The following ASCC2 variants were observed in gnomAD, a reference collection of about 807,000 sequenced individuals.
ASCC2 encodes ASC-1 complex subunit P100.
A neutral mutation model predicts 93.5 loss-of-function variants in ASCC2; 42 were observed. The observed-to-expected ratio is 0.45, with a 90% confidence interval of 0.35 to 0.58. The LOEUF (loss-of-function observed/expected upper bound fraction) is 0.58, where lower values mean the gene tolerates loss of function less well. Among genes scored for constraint, ASCC2 ranks in the 20% least tolerant of loss-of-function variants. The pLI is 0.00. For missense variants in ASCC2, 859 were observed against 977.6 expected, an observed-to-expected ratio of 0.88 and a Z score of 1.62; for synonymous variants, 364 against 384.2, an observed-to-expected ratio of 0.95 and a Z score of 0.62.
intron 8 of ASCC2, 67 bp downstream of exon 8, chr22:29,813,363 G>C: frequency 8.7e-7 from 1 of 1,147,258 alleles, no homozygotes; most frequent in Non-Finnish European, 1.3e-6. Flanking sequence ...TGTTAAATGA[G>C]TAAATATTTG....
Position 29,825,570 on chromosome 22 carries a change from C to T in ASCC2, c.240+52G>A. The stretch of plus-strand genomic sequence containing the variant: ...GAAGAAAAACAACAACAGCAACCAA[C>T]CAATGGCATGTCATGTGCTTTGTCT... On this transcript the variant is annotated intron_variant, in intron 3 of 19. Transcript: ENST00000307790. This position sits in a 1 kb window ranked among gnomAD's most constrained non-coding sequence, Gnocchi z 4.9. 1.2e-6 allele frequency: 2 copies of T among 1,612,672 alleles called. No individual in the cohort carries two copies. The highest frequency in any genetic ancestry group is 1.7e-6 in the Non-Finnish European group (2 of 1,178,780).
At chr22:29,796,506 G>A (rs537037002) in intron 15 of ASCC2, among the ~76,000 whole-genome samples, 2 of 152,236 alleles carry the variant, frequency 1.3e-5, no homozygotes, top group African/African-American at 2.4e-5. Context: ...TGTAGGAAGG[G>A]GTAATGGAGG....
intron 15 of ASCC2, among the ~76,000 whole-genome samples, chr22:29,797,503 TG>T (rs2058580032): frequency 1.3e-5 from 2 of 152,210 alleles, no homozygotes; most frequent in Non-Finnish European, 2.9e-5. Flanking sequence ...ACAGGTCTCC[TG>T]ATTCAGGTCT....
At chr22:29,797,375 A>T (rs1364640896) in intron 15 of ASCC2, among the ~76,000 whole-genome samples, 1 of 152,166 alleles carries the variant, frequency 6.6e-6, no homozygotes, top group East Asian at 1.9e-4. Context: ...TTGAACTTCT[A>T]AAGAGCCTGT....
intron 13 of ASCC2, among the ~76,000 whole-genome samples, chr22:29,803,077 T>G (rs1389800885): frequency 6.6e-6 from 1 of 151,934 alleles, no homozygotes; most frequent in East Asian, 1.9e-4. Context: ...TGAAACCCCA[T>G]CTCTGCTAAA....
chr22:29,832,749 C>CTT (rs956397200), intron 1 of ASCC2, among the ~76,000 whole-genome samples: 17 of 144,162 alleles, frequency 1.2e-4, no homozygotes, highest in Non-Finnish European at 4.6e-5. Context: ...CCATGCCCAG[C>CTT]TTTTTTTTTT....
intron 1 of ASCC2, among the ~76,000 whole-genome samples, chr22:29,837,206 G>A (rs1304212928): frequency 5.9e-5 from 9 of 151,904 alleles, no homozygotes; most frequent in African/African-American, 1.9e-4. Context: ...CAAGGCGGGC[G>A]GATCACGAGG....
chr22:29,831,284 A>C (rs1357877071), intron 2 of ASCC2, among the ~76,000 whole-genome samples: 4 of 152,240 alleles, frequency 2.6e-5, no homozygotes, highest in Non-Finnish European at 2.9e-5. Context: ...TATGTGTCCT[A>C]GGGTCTGCCT....
intron 19 of ASCC2, 139 bp downstream of exon 19, chr22:29,790,330 A>T: frequency 1.3e-6 from 1 of 786,534 alleles, no homozygotes; most frequent in Middle Eastern, 3.1e-4. Context: ...TGATAATGGT[A>T]GCTACTTCAC....
chr22:29,790,683 C>T (rs551180050), intron 18 of ASCC2, 135 bp from the exon 19 acceptor site: 17 of 880,446 alleles, frequency 1.9e-5, no homozygotes, highest in Admixed American at 4.2e-5. Flanking sequence ...CCTGGCAGAG[C>T]GACGCCCAGG....
At chr22:29,824,542 G>T (rs1473486106) in intron 4 of ASCC2, among the ~76,000 whole-genome samples, 1 of 152,032 alleles carries the variant, frequency 6.6e-6, no homozygotes, top group Non-Finnish European at 1.5e-5. Flanking sequence ...TTGAGCCTGG[G>T]AGACTGAAGC....
intron 17 of ASCC2, 34 bp downstream of exon 17, chr22:29,793,326 C>T (rs2058011349): frequency 6.2e-7 from 1 of 1,610,664 alleles, no homozygotes; most frequent in East Asian, 2.2e-5. Context: ...GAGAGCTGCT[C>T]TGCCCTGGAA....
At chr22:29,832,894 C>T (rs1483807479) in intron 1 of ASCC2, among the ~76,000 whole-genome samples, 1 of 152,314 alleles carries the variant, frequency 6.6e-6, no homozygotes, top group East Asian at 1.9e-4. Flanking sequence ...GCATGCACCA[C>T]TACGGCCAGC....
At chr22:29,806,311 AT>A (rs1426425937) in intron 11 of ASCC2, 21 bp from the exon 12 acceptor site, 1 of 1,612,882 alleles carries the variant, frequency 6.2e-7, no homozygotes, top group Non-Finnish European at 8.5e-7. Context: ...ATGAGAGCAG[AT>A]GGGATGGACA....
At position 29,788,871 on chromosome 22, in the gene ASCC2, G is replaced by C; in HGVS notation, c.*142C>G. The stretch of plus-strand genomic sequence containing the variant: ...CTCATGGCTGGCTGGTAGATGAGAG[G>C]CGGCCTTCTCAGGGGCTGCAAAGCT... On this transcript the variant is annotated 3_prime_UTR_variant, in exon 20 of 20. Coordinates refer to ENST00000307790, the MANE Select transcript of ASCC2 (RefSeq NM_032204.5). 2.0e-6 allele frequency: 2 copies of C among 982,654 alleles called. No individual in the cohort carries two copies. The highest frequency in any genetic ancestry group is 2.4e-5 in the East Asian group (1 of 40,946). The allele number at this position is 982,654 out of a possible 1,614,324, so 60.9% of individuals were successfully genotyped here.
intron 5 of ASCC2, among the ~76,000 whole-genome samples, chr22:29,819,069 C>T (rs950581417): frequency 9.9e-5 from 15 of 152,182 alleles, no homozygotes; most frequent in South Asian, 2.1e-4. Flanking sequence ...CTGGAGGCTC[C>T]GCGGTCTCAT....
chr22:29,837,508 T>C (rs749258736), intron 1 of ASCC2, among the ~76,000 whole-genome samples: 3 of 152,198 alleles, frequency 2.0e-5, no homozygotes, highest in Non-Finnish European at 2.9e-5. Flanking sequence ...TGACTATGTC[T>C]GTGCCCACCA....
chr22:29,814,651 C>A lies in ASCC2; in HGVS notation c.720+6G>T, dbSNP rs770013083. 1 of 1,588,782 alleles carries A rather than the reference C, an allele frequency of 6.3e-7. No individual in the cohort carries two copies. The highest frequency in any genetic ancestry group is 2.3e-5 in the East Asian group (1 of 43,270). ...GGAAAGAGACTGGGCCGAAGGGCAACCTTACCAGGAGAGGCATGTCACTGG... is the reference window on the plus strand; with the variant it reads ...GGAAAGAGACTGGGCCGAAGGGCAAACTTACCAGGAGAGGCATGTCACTGG... On this transcript the variant is annotated splice_donor_region_variant and intron_variant, in intron 7 of 19. Coordinates refer to ENST00000307790, the MANE Select transcript of ASCC2 (RefSeq NM_032204.5).
Position 29,813,531 on chromosome 22 carries a change from G to A in ASCC2, c.732C>T (p.Asp244=). Residue 244 remains aspartate, a synonymous_variant, in exon 8 of 20, where the codon GAC becomes GAT. Transcript: ENST00000307790. ...AGGTATCACAAAGGTAGAGAACAAT[G>A]TCCTTTAATTCCTGTTGCCAAAAGA... ...PSDMPLLELK[D]IVLYLCDTCT... 6.2e-7 allele frequency: 1 copy of A among 1,610,736 alleles called. No individual in the cohort carries two copies. Among genetic ancestry groups the A allele is most frequent in the Non-Finnish European group, 8.5e-7 (1 of 1,176,960 alleles).
Sources: gnomAD v4.1 joint callset for allele counts (sites outside exome capture counted in the v4.1 genomes callset) on GRCh38, gnomAD v4.1.1 for gene constraint, Gnocchi (gnomAD v3.1) non-coding constraint, MANE v1.5 for transcripts, NCBI Gene and HGNC (gene_info 2026-07-23, HGNC 2026-07-21) for gene names.